MICAL3: variants seen among roughly 807,000 people sequenced by gnomAD.
MICAL3 encodes the protein microtubule associated monooxygenase, calponin and LIM domain containing 3.
MICAL3 carries 62 observed loss-of-function variants against 207.4 expected under a neutral mutation model. The observed-to-expected ratio is 0.30, with a 90% CI of 0.24 to 0.37. MICAL3 has a LOEUF of 0.37. MICAL3 is among the 10% of genes least tolerant of loss of function. The pLI is 1.00. For synonymous variants in MICAL3, 1,077 were observed against 1,069.3 expected, an observed-to-expected ratio of 1.01 and a Z score of -0.14; for missense variants, 2,368 against 2,635.6, an observed-to-expected ratio of 0.90 and a Z score of 2.22.
chr22:17,833,102 C>T (rs973487821), intron 20 of MICAL3, among the ~76,000 whole-genome samples: 3 of 152,202 alleles, frequency 2.0e-5, no homozygotes, highest in African/African-American at 7.2e-5. Context: ...CTACCCAAAC[C>T]GTAGCTCCTC....
rs180957506 is a variant in MICAL3, at chr22:17,836,643, G to A, written c.2802-4536C>T. On this transcript the variant is annotated intron_variant, in intron 20 of 31. Coordinates refer to ENST00000441493, the MANE Select transcript of MICAL3 (RefSeq NM_015241.3). Reference sequence around the variant, plus strand: ...TGCCAGGAACCACTTGAAGTTCCTGGGTGGTTTTTTTTTTTTTTTGAGATG... The same window carrying A: ...TGCCAGGAACCACTTGAAGTTCCTGAGTGGTTTTTTTTTTTTTTTGAGATG... 2.2e-3 allele frequency among the ~76,000 whole-genome samples: 334 copies of A among 150,914 alleles called. 1 individual carries two copies. The highest frequency in any genetic ancestry group is 7.9e-3 in the African/African-American group (323 of 40,676).
At chr22:17,887,145 T>G (rs755229077) in intron 15 of MICAL3, 25 bp downstream of exon 15, 11 of 1,599,662 alleles carry the variant, frequency 6.9e-6, no homozygotes, top group Non-Finnish European at 9.4e-6. Context: ...ATGACCATTC[T>G]AGCAATTCCC....
chr22:17,911,663 TCTC>T (rs2146278888), intron 1 of MICAL3, among the ~76,000 whole-genome samples: 1 of 151,964 alleles, frequency 6.6e-6, no homozygotes, highest in African/African-American at 2.4e-5. Flanking sequence ...TGAGATCCTG[TCTC>T]TTCAAAAACA....
At chr22:17,917,737 G>A (rs1932623964) in intron 1 of MICAL3, among the ~76,000 whole-genome samples, 2 of 152,164 alleles carry the variant, frequency 1.3e-5, no homozygotes, top group Non-Finnish European at 1.5e-5. Context: ...GGCTGCCCTG[G>A]CCAGCCATGC....
intron 23 of MICAL3, among the ~76,000 whole-genome samples, chr22:17,822,610 C>T (rs1349472146): frequency 1.3e-5 from 2 of 152,176 alleles, no homozygotes; most frequent in Admixed American, 6.5e-5. Flanking sequence ...TTCCCAGCCT[C>T]GTCCCTGACC....
chr22:17,915,274 T>C (rs1210792775), intron 1 of MICAL3, among the ~76,000 whole-genome samples: 1 of 152,144 alleles, frequency 6.6e-6, no homozygotes, highest in African/African-American at 2.4e-5. Flanking sequence ...ACACAGCAGG[T>C]GCTCAATAAG....
intron 1 of MICAL3, among the ~76,000 whole-genome samples, chr22:18,000,692 C>G (rs538128003): frequency 2.0e-5 from 3 of 152,240 alleles, no homozygotes; most frequent in Non-Finnish European, 2.9e-5. Context: ...CGGAAGGCAG[C>G]CAGGGAAGGG....
intron 7 of MICAL3, among the ~76,000 whole-genome samples, chr22:17,898,684 C>A (rs1018157426): frequency 6.6e-6 from 1 of 152,196 alleles, no homozygotes; most frequent in Non-Finnish European, 1.5e-5. Context: ...GTGATTCTCA[C>A]GTTGAGACCA....
At chr22:17,904,514 T>G in intron 3 of MICAL3, 118 bp downstream of exon 3, 14 of 783,982 alleles carry the variant, frequency 1.8e-5, no homozygotes, top group East Asian at 2.4e-5. Context: ...AAGACAGTAA[T>G]GAGATTAGAA....
At chr22:17,911,660 C>T (rs1932152008) in intron 1 of MICAL3, among the ~76,000 whole-genome samples, 1 of 152,032 alleles carries the variant, frequency 6.6e-6, no homozygotes, top group Admixed American at 6.6e-5. Flanking sequence ...CGGTGAGATC[C>T]TGTCTCTTCA....
At chr22:18,016,516 C>G (rs1273763550) in intron 1 of MICAL3, among the ~76,000 whole-genome samples, 4 of 152,176 alleles carry the variant, frequency 2.6e-5, no homozygotes, top group African/African-American at 9.7e-5. Context: ...GTCACATTCT[C>G]CCTCCAAACA....
chr22:17,823,103 A>G, intron 22 of MICAL3, 43 bp from the exon 23 acceptor site: 1 of 1,327,064 alleles, frequency 7.5e-7, no homozygotes. Flanking sequence ...AAAGGAGGAC[A>G]GACAGACAGG....
chr22:17,798,435 C>T (rs573865879), intron 29 of MICAL3, among the ~76,000 whole-genome samples: 2 of 152,274 alleles, frequency 1.3e-5, no homozygotes, highest in East Asian at 1.9e-4. Flanking sequence ...CTGAGGATCA[C>T]GCTCCAAGGC....
intron 1 of MICAL3, among the ~76,000 whole-genome samples, chr22:17,961,625 T>C (rs1934918410): frequency 6.6e-6 from 1 of 152,104 alleles, no homozygotes; most frequent in Admixed American, 6.5e-5. Context: ...GGAGTCCCCT[T>C]CCCACACACA....
intron 1 of MICAL3, among the ~76,000 whole-genome samples, chr22:17,958,694 TG>T (rs67670377): frequency 0.076 from 11,371 of 149,488 alleles, 954 homozygotes; most frequent in African/African-American, 0.2. Flanking sequence ...TTTGAGTTGT[TG>T]GGTTTTTTTA....
chr22:17,897,771 G>T (rs1930978497), intron 7 of MICAL3, among the ~76,000 whole-genome samples: 1 of 152,188 alleles, frequency 6.6e-6, no homozygotes. Context: ...AGTCCAGGAG[G>T]CTGGGAAGGA....
intron 16 of MICAL3, chr22:17,875,620 T>A: frequency 1.1e-6 from 1 of 921,376 alleles, no homozygotes; most frequent in Non-Finnish European, 1.6e-6. Flanking sequence ...CACACTGACC[T>A]CTGAACATAA....
At chr22:17,861,041 T>C (rs944379904) in intron 19 of MICAL3, 3 of 985,464 alleles carry the variant, frequency 3.0e-6, no homozygotes, top group Middle Eastern at 5.2e-4. Flanking sequence ...CCGTCAGCTA[T>C]GGCTCTTGGG....
intron 29 of MICAL3, among the ~76,000 whole-genome samples, chr22:17,794,804 G>A (rs1232847279): frequency 6.6e-6 from 1 of 152,178 alleles, no homozygotes; most frequent in African/African-American, 2.4e-5. Context: ...CTCTAGATCT[G>A]GGGTCTGATG....
Sources: gnomAD v4.1 joint callset for allele counts (sites outside exome capture counted in the v4.1 genomes callset) on GRCh38, gnomAD v4.1.1 for gene constraint, MANE v1.5 for transcripts, NCBI Gene and HGNC (gene_info 2026-07-23, HGNC 2026-07-21) for gene names.